Variants in KATNAL2 observed in about 807,000 individuals in gnomAD.
KATNAL2 encodes katanin p60 ATPase-containing subunit A-like 2.
KATNAL2 carries 52 observed loss-of-function variants against 76.3 expected under a neutral mutation model. The ratio of observed to expected loss-of-function variants is 0.68; its 90% CI spans 0.55 to 0.86. The LOEUF is 0.86. KATNAL2 is among the 40% of genes least tolerant of loss of function. KATNAL2 has a pLI of 0.00. For missense variants in KATNAL2, 660 were observed against 668.9 expected (o/e 0.99, Z 0.15); for synonymous variants, 243 against 244.2 (o/e 1.00, Z 0.05).
rs752706960 is a variant in KATNAL2, at chr18:47,099,247, C to G, written c.1216C>G (p.Leu406Val). Reference protein sequence around the residue: ...VLAASNLPWELDCAMLRRLEK... With the variant: ...VLAASNLPWEVDCAMLRRLEK... ...CCATTTCTGGTGTGATTTCAGGGAG[C>G]TGGACTGTGCCATGTTACGCCGCCT... The change falls in exon 16 of 18, where the codon CTG becomes GTG. Residue 406 changes from leucine to valine, a missense_variant. By Grantham distance (32) the Leu-to-Val change is conservative. Transcript: ENST00000683218. The G allele has an allele frequency of 3.7e-6, 6 of 1,611,962 alleles. No individual in the cohort carries two copies. The highest frequency in any genetic ancestry group is 2.2e-5 in the East Asian group (1 of 44,868).
At chr18:46,919,942 G>T in intron 1 of KATNAL2, 1 of 593,378 alleles carries the variant, frequency 1.7e-6, no homozygotes, top group Non-Finnish European at 2.8e-6. Flanking sequence ...GAGTTTTCGG[G>T]GAATAGACGA....
Position 46,927,877 on chromosome 18 carries a change from C to T in KATNAL2, c.-510+9951C>T, listed in dbSNP as rs1177378422. Among the ~76,000 whole-genome samples, 6 of 152,300 alleles carry T rather than the reference C, an allele frequency of 3.9e-5. No individual in the cohort carries two copies. In the East Asian group the frequency reaches 5.8e-4, roughly 15 times the overall value. ...TACCCTTTCTTCCAGTTGATTGCAT[C>T]GGCTACTGAGCCTTCTGCATTCGTC... On this transcript the variant is annotated intron_variant, in intron 1 of 17. Coordinates refer to ENST00000683218, the MANE Select transcript of KATNAL2 (RefSeq NM_001387690.1).
At chr18:46,940,013 G>A (rs1295306426) in intron 1 of KATNAL2, among the ~76,000 whole-genome samples, 1 of 152,222 alleles carries the variant, frequency 6.6e-6, no homozygotes, top group Non-Finnish European at 1.5e-5. Context: ...GAGTAAGGCA[G>A]TCCTTTCCAC....
chr18:46,920,371 A>G (rs1022254189), intron 1 of KATNAL2, among the ~76,000 whole-genome samples: 1 of 152,182 alleles, frequency 6.6e-6, no homozygotes, highest in African/African-American at 2.4e-5. Flanking sequence ...ACTTTCTGGC[A>G]TGTGGAACAC....
intron 1 of KATNAL2, among the ~76,000 whole-genome samples, chr18:46,923,308 A>G (rs2058630876): frequency 6.9e-6 from 1 of 144,202 alleles, no homozygotes; most frequent in South Asian, 2.2e-4. Context: ...CCTGTGAGTG[A>G]GAACATGTGG....
chr18:47,063,181 C>A (rs2061688060), intron 9 of KATNAL2, 103 bp from the exon 10 acceptor site: 6 of 1,416,592 alleles, frequency 4.2e-6, no homozygotes, highest in Non-Finnish European at 6.0e-6. Flanking sequence ...AAGGCCATAG[C>A]CACCTGCCAT....
rs139477376 is a variant in KATNAL2, at chr18:47,033,562, T to A, written c.52-12895T>A. The A allele has an allele frequency of 3.5e-4, 572 of 1,614,100 alleles. 2 individuals are homozygous for A. The highest frequency in any genetic ancestry group is 6.4e-5 in the Non-Finnish European group (76 of 1,180,050). On this transcript the variant is annotated intron_variant, in intron 3 of 17. Coordinates refer to ENST00000683218, the MANE Select transcript of KATNAL2 (RefSeq NM_001387690.1). The stretch of plus-strand genomic sequence containing the variant: ...TGCGTGATTGTCTTTCTTTCTGCGA[T>A]ACAGCTGATCGGGCCTCCACCCTTC...
intron 15 of KATNAL2, among the ~76,000 whole-genome samples, chr18:47,082,657 A>G (rs956499225): frequency 2.6e-5 from 4 of 152,140 alleles, no homozygotes; most frequent in Admixed American, 6.6e-5. Flanking sequence ...TTTTGTGTGT[A>G]TAATAATTTA....
rs994204073 is a variant in KATNAL2 at position 47,094,555 on chromosome 18, T to C, written c.1212-4688T>C. On this transcript the variant is annotated intron_variant, in intron 15 of 17. Transcript: ENST00000683218. ...GCCTAATGTTTATGAGAGGGGTACATTAACAAAACCCACAGGAAGCTCTGT... is the reference window on the plus strand; with the variant it reads ...GCCTAATGTTTATGAGAGGGGTACACTAACAAAACCCACAGGAAGCTCTGT... Among the ~76,000 whole-genome samples, 5 of 152,300 alleles carry C rather than the reference T, an allele frequency of 3.3e-5. No homozygotes were observed. The South Asian group carries it at 1.0e-3, about 32-fold the overall frequency.
intron 6 of KATNAL2, among the ~76,000 whole-genome samples, chr18:47,055,514 T>C (rs2061446013): frequency 6.6e-6 from 1 of 152,184 alleles, no homozygotes; most frequent in African/African-American, 2.4e-5. Flanking sequence ...CTTGCAAAAA[T>C]GGCTGTGGAG....
At position 46,933,043 on chromosome 18, in the gene KATNAL2, G is replaced by A. The variant is rs150663036; in HGVS notation, c.-509-13014G>A. Among the ~76,000 whole-genome samples the A allele has an allele frequency of 5.3e-4, 81 of 152,210 alleles. No individual in the cohort carries two copies. The East Asian group carries it at 0.013, about 25-fold the overall frequency. Reference sequence around the variant, plus strand: ...CTCCAAAAGTGCTGGGATTACAGGCGTTAGCCACTGCACCCAGCCAAGGTA... The same window carrying A: ...CTCCAAAAGTGCTGGGATTACAGGCATTAGCCACTGCACCCAGCCAAGGTA... On this transcript the variant is annotated intron_variant, in intron 1 of 17. Transcript: ENST00000683218.
At chr18:46,918,345 T>G (rs894952185) in intron 1 of KATNAL2, among the ~76,000 whole-genome samples, 1 of 152,024 alleles carries the variant, frequency 6.6e-6, no homozygotes, top group African/African-American at 2.4e-5. Context: ...CAATGTAACT[T>G]TTAAGGCCCT....
intron 3 of KATNAL2, among the ~76,000 whole-genome samples, chr18:46,953,712 A>G (rs966195584): frequency 2.0e-5 from 3 of 152,168 alleles, no homozygotes; most frequent in African/African-American, 7.2e-5. Flanking sequence ...AGCCGTGATC[A>G]CACCACTGTA....
At chr18:47,079,500 C>T (rs1599796277) in intron 15 of KATNAL2, among the ~76,000 whole-genome samples, 1 of 151,772 alleles carries the variant, frequency 6.6e-6, no homozygotes, top group Admixed American at 6.6e-5. Context: ...GTTCAAGCCA[C>T]TCTACTGCCT....
chr18:47,049,235 G>T (rs1322619920), intron 4 of KATNAL2, among the ~76,000 whole-genome samples: 1 of 152,196 alleles, frequency 6.6e-6, no homozygotes, highest in African/African-American at 2.4e-5. Flanking sequence ...GAGTAATGGG[G>T]TATAGCTAAG....
intron 8 of KATNAL2, among the ~76,000 whole-genome samples, chr18:47,060,546 A>G (rs1230336644): frequency 6.6e-6 from 1 of 152,224 alleles, no homozygotes; most frequent in African/African-American, 2.4e-5. Context: ...AGGTAGATTA[A>G]AACATGTAAT....
At chr18:47,075,187 T>C (rs2062155798) in intron 13 of KATNAL2, 90 bp from the exon 14 acceptor site, 1 of 968,828 alleles carries the variant, frequency 1.0e-6, no homozygotes, top group Admixed American at 3.8e-5. Flanking sequence ...AAATGCTTAT[T>C]ATTACAGTCA....
intron 3 of KATNAL2, among the ~76,000 whole-genome samples, chr18:46,961,380 A>G (rs868420850): frequency 6.6e-6 from 1 of 152,190 alleles, no homozygotes; most frequent in Non-Finnish European, 1.5e-5. Context: ...TCTCACTTTC[A>G]TCATCAGTTT....
chr18:46,926,450 C>G (rs377136030), intron 1 of KATNAL2, among the ~76,000 whole-genome samples: 1 of 152,086 alleles, frequency 6.6e-6, no homozygotes, highest in South Asian at 2.1e-4. Flanking sequence ...GTCTGAGAGA[C>G]AGTTTGTTAT....
Sources: allele counts gnomAD v4.1 joint callset (sites outside exome capture counted in the v4.1 genomes callset), GRCh38; gene constraint gnomAD v4.1.1; transcripts MANE v1.5; gene names NCBI Gene and HGNC (gene_info 2026-07-23, HGNC 2026-07-21).